The following MYH13 variants were observed in gnomAD, a reference collection of about 807,000 sequenced individuals.
The protein encoded by MYH13 is myosin heavy chain 13.
In MYH13, 177 loss-of-function variants were observed where a neutral mutation model predicts 232.1. The ratio of observed to expected loss-of-function variants is 0.76; its 90% confidence interval spans 0.67 to 0.86. The LOEUF is 0.86. Among genes scored for constraint, MYH13 ranks in the 40% least tolerant of loss-of-function variants. MYH13 has a pLI of 0.00. For missense variants in MYH13, 2,246 were observed against 2,405.9 expected, an observed-to-expected ratio of 0.93 and a Z score of 1.39; for synonymous variants, 884 against 923.5, an observed-to-expected ratio of 0.96 and a Z score of 0.78.
chr17:10,354,522 A>G (rs1323340795), intron 11 of MYH13, among the ~76,000 whole-genome samples, 158 bp downstream of exon 11: 1 of 152,190 alleles, frequency 6.6e-6, no homozygotes. Context: ...GGGAGGGGCC[A>G]ATCTGTGCTA....
chr17:10,355,413 G>C (rs1029195212), intron 8 of MYH13, among the ~76,000 whole-genome samples: 2 of 152,122 alleles, frequency 1.3e-5, no homozygotes, highest in African/African-American at 4.8e-5. Context: ...CTGGATTTCA[G>C]TTTTCCCATT....
chr17:10,311,170 G>A lies in MYH13; in HGVS notation c.4589C>T (p.Ala1530Val), dbSNP rs372267098. The change falls in exon 33 of 41, where the codon GCG (alanine) becomes GTG (valine). Residue 1530 changes from alanine to valine, a missense_variant. Physicochemically the swap from Ala to Val is moderately conservative, Grantham distance 64. Coordinates refer to ENST00000252172, the MANE Select transcript of MYH13 (RefSeq NM_003802.3). ...CTCCACTAGCTTCTTGGTCTTTTCCGCTTCCTGAAGATTCTTGCCAGTTTC... is the reference window on the plus strand; with the variant it reads ...CTCCACTAGCTTCTTGGTCTTTTCCACTTCCTGAAGATTCTTGCCAGTTTC... ...IAETGKNLQEAEKTKKLVEQE... is the reference protein window; with the variant it reads ...IAETGKNLQEVEKTKKLVEQE... 241 of 1,613,868 alleles carry A rather than the reference G, an allele frequency of 1.5e-4. No individual in the cohort carries two copies. The highest frequency in any genetic ancestry group is 2.2e-4 in the South Asian group (20 of 91,080).
At chr17:10,312,121 G>A (rs774805333) in intron 31 of MYH13, 45 bp from the exon 32 acceptor site, 2 of 1,605,246 alleles carry the variant, frequency 1.2e-6, no homozygotes, top group Admixed American at 1.7e-5. Context: ...AAGCAGGGGT[G>A]ACTCAGAAGA....
rs932600176 is a variant in MYH13 at position 10,315,714 on chromosome 17, C to T, written c.3963G>A (p.Arg1321=). The T allele has an allele frequency of 6.2e-7, 1 of 1,613,814 alleles. No homozygotes were observed. Among genetic ancestry groups the T allele is most frequent in the Non-Finnish European group, 8.5e-7 (1 of 1,179,876 alleles). The change falls in exon 29 of 41, where the codon AGG becomes AGA. Residue 1321 remains arginine, a synonymous_variant. Coordinates refer to ENST00000252172, the MANE Select transcript of MYH13 (RefSeq NM_003802.3). ...TTACCTTGGTTTCTTCTTCCATTTG[C>T]CTCTTAAGCTCCTCCAGCTGCTGGG... ...ALTQQLEELK[R]QMEEETKAKN...
At chr17:10,329,452 C>T (rs938130089) in intron 21 of MYH13, among the ~76,000 whole-genome samples, 3 of 152,238 alleles carry the variant, frequency 2.0e-5, no homozygotes, top group African/African-American at 4.8e-5. Context: ...GGCCTTGCCC[C>T]GTCATAGCCT....
chr17:10,306,373 G>A lies in MYH13; in HGVS notation c.5466+86C>T. 1 of 1,565,766 alleles carries A rather than the reference G, an allele frequency of 6.4e-7. No homozygotes were observed. Among genetic ancestry groups the A allele is most frequent in the Non-Finnish European group, 8.7e-7 (1 of 1,148,892 alleles). On this transcript the variant is annotated intron_variant, in intron 37 of 40. Coordinates refer to ENST00000252172, the MANE Select transcript of MYH13 (RefSeq NM_003802.3). This position sits in a 1 kb window ranked among gnomAD's most constrained non-coding sequence, Gnocchi z 4.3. ...TGAATTTGCAATCTATTCATTCAGT[G>A]GCCTTTTCCCACCATCTCAGTTTCT... is the stretch of plus-strand genomic sequence containing the variant.
At chr17:10,309,953 T>G in intron 33 of MYH13, 123 bp from the exon 34 acceptor site, 1 of 877,276 alleles carries the variant, frequency 1.1e-6, no homozygotes, top group Non-Finnish European at 1.6e-6. Context: ...TAAATTTTTT[T>G]TTTTTTTTGG....
chr17:10,322,093 C>G (rs7221884), intron 23 of MYH13, among the ~76,000 whole-genome samples: 12,386 of 152,068 alleles, frequency 0.081, 560 homozygotes, highest in South Asian at 0.16. Context: ...GGCGTGAGGT[C>G]CTACGCAAGA....
chr17:10,372,270 T>A (rs766047204), intron 1 of MYH13, among the ~76,000 whole-genome samples: 55 of 152,234 alleles, frequency 3.6e-4, no homozygotes, highest in Non-Finnish European at 6.9e-4. Flanking sequence ...TGGTATGATT[T>A]CTTTGGGTTT....
chr17:10,347,931 A>T (rs2071679399), intron 12 of MYH13, among the ~76,000 whole-genome samples: 1 of 151,524 alleles, frequency 6.6e-6, no homozygotes, highest in African/African-American at 2.4e-5. Flanking sequence ...GTTGGCCAGG[A>T]TGGTCTTGAT....
chr17:10,344,943 A>C (rs1355757245), intron 15 of MYH13, among the ~76,000 whole-genome samples: 1 of 152,184 alleles, frequency 6.6e-6, no homozygotes, highest in East Asian at 1.9e-4. Flanking sequence ...ATAGGTAAGA[A>C]ATGCCACAGT....
intron 11 of MYH13, among the ~76,000 whole-genome samples, 158 bp downstream of exon 11, chr17:10,354,522 A>C (rs1323340795): frequency 6.6e-6 from 1 of 152,190 alleles, no homozygotes; most frequent in Admixed American, 6.5e-5. Flanking sequence ...GGGAGGGGCC[A>C]ATCTGTGCTA....
chr17:10,349,270 T>C (rs9912294), intron 12 of MYH13, among the ~76,000 whole-genome samples: 3,230 of 152,046 alleles, frequency 0.021, 99 homozygotes, highest in East Asian at 0.11. Context: ...GCCCAGCTAA[T>C]TTGTATTTTT....
intron 40 of MYH13, 118 bp from the exon 41 acceptor site, chr17:10,301,083 G>A (rs977657481): frequency 3.2e-6 from 3 of 943,860 alleles, no homozygotes; most frequent in Non-Finnish European, 3.3e-6. Flanking sequence ...TTAAGGAATG[G>A]CGTTGTTTCC....
chr17:10,306,338 G>T lies in MYH13; in HGVS notation c.5466+121C>A. 1 of 1,400,862 alleles carries T rather than the reference G, an allele frequency of 7.1e-7. No homozygotes were observed. Among genetic ancestry groups the T allele is most frequent in the Non-Finnish European group, 9.8e-7 (1 of 1,025,032 alleles). 86.8% of individuals were successfully genotyped at this position (1,400,862 alleles called of 1,614,324 possible). On this transcript the variant is annotated intron_variant, in intron 37 of 40. Transcript: ENST00000252172. The surrounding 1 kb of genome is among the most constrained non-coding windows in gnomAD (Gnocchi z 4.3). ...AAGCTCACAGGGAATTTTTCAAGCA[G>T]TCCTGAAACTGAATTTGCAATCTAT...
chr17:10,354,874 A>G (rs754298435), intron 10 of MYH13, 21 bp downstream of exon 10: 2 of 1,590,066 alleles, frequency 1.3e-6, no homozygotes, highest in South Asian at 1.1e-5. Flanking sequence ...GGAACATAAG[A>G]AAGGTATTCC....
At chr17:10,337,435 C>T (rs566416443) in intron 18 of MYH13, among the ~76,000 whole-genome samples, 32 of 152,218 alleles carry the variant, frequency 2.1e-4, no homozygotes, top group African/African-American at 7.5e-4. Flanking sequence ...GACCTGTGCC[C>T]GTGAAGTCCT....
In MYH13 at chr17:10,306,184, T is replaced by C. The variant is rs1906274638; in HGVS notation, c.5466+275A>G. ...ATGTGAACATTAACATACATCATTATATTACATTTACTGAGGTGTGAGCAT... is the reference window on the plus strand; with the variant it reads ...ATGTGAACATTAACATACATCATTACATTACATTTACTGAGGTGTGAGCAT... On this transcript the variant is annotated intron_variant, in intron 37 of 40. Transcript: ENST00000252172. The surrounding 1 kb of genome is among the most constrained non-coding windows in gnomAD (Gnocchi z 4.3). Among the ~76,000 whole-genome samples the C allele has an allele frequency of 6.6e-6, 1 of 151,712 alleles. No individual in the cohort carries two copies. Among genetic ancestry groups the C allele is most frequent in the South Asian group, 2.1e-4 (1 of 4,808 alleles).
chr17:10,369,905 G>C (rs2071865705), intron 2 of MYH13, among the ~76,000 whole-genome samples: 1 of 152,140 alleles, frequency 6.6e-6, no homozygotes, highest in South Asian at 2.1e-4. Context: ...TTCTCCATTT[G>C]AACAGCAGAA....
Sources: allele counts gnomAD v4.1 joint callset (sites outside exome capture counted in the v4.1 genomes callset), GRCh38; gene constraint gnomAD v4.1.1; non-coding constraint Gnocchi (gnomAD v3.1); transcripts MANE v1.5; gene names NCBI Gene and HGNC (gene_info 2026-07-23, HGNC 2026-07-21).